EPHB2: variants seen among roughly 807,000 people sequenced by gnomAD.
The protein encoded by EPHB2 is EPH receptor B2, also known as ephrin type-B receptor 2.
EPHB2 carries 18 observed loss-of-function variants against 96.4 expected under a neutral mutation model. The observed-to-expected ratio is 0.19, with a 90% CI of 0.13 to 0.28. EPHB2 has a LOEUF of 0.28. Among genes scored for constraint, EPHB2 ranks in the 10% least tolerant of loss-of-function variants. The pLI is 1.00. For synonymous variants in EPHB2, 506 were observed against 534.1 expected (o/e 0.95, Z 0.72); for missense variants, 989 against 1,355.4 (o/e 0.73, Z 4.25).
rs776278539 is a variant in EPHB2 at position 22,906,044 on chromosome 1, C to T, written c.1823C>T (p.Ala608Val). Reference sequence around the variant, plus strand: ...TTCACCTACGAGGACCCCAACGAGGCAGTGCGGGAGTTTGCCAAGGAAATT... The same window carrying T: ...TTCACCTACGAGGACCCCAACGAGGTAGTGCGGGAGTTTGCCAAGGAAATT... ...DPFTYEDPNE[A>V]VREFAKEIDI... The change falls in exon 10 of 16, where the codon GCA becomes GTA. Residue 608 changes from alanine (A) to valine (V), a missense_variant. Physicochemically the swap from Ala to Val is moderately conservative, Grantham distance 64 (BLOSUM62 0). Coordinates refer to ENST00000374630, the MANE Select transcript of EPHB2 (RefSeq NM_017449.5). This position sits in a 1 kb window ranked among gnomAD's most constrained non-coding sequence, Gnocchi z 4.8. 1 of 1,614,238 alleles carries T rather than the reference C, an allele frequency of 6.2e-7. No homozygotes were observed. The highest frequency in any genetic ancestry group is 8.5e-7 in the Non-Finnish European group (1 of 1,180,046).
intron 1 of EPHB2, among the ~76,000 whole-genome samples, chr1:22,749,007 C>G (rs1467709198): frequency 2.0e-5 from 3 of 148,336 alleles, no homozygotes; most frequent in Admixed American, 1.4e-4. Context: ...CCATTCTTTC[C>G]TTTTTACTTT....
Position 22,754,628 on chromosome 1 carries a change from C to T in EPHB2, c.62-26793C>T, listed in dbSNP as rs1006898599. The stretch of plus-strand genomic sequence containing the variant: ...GGGGCTCGATCCCCCAGGCCTGGTA[C>T]GGGGCCATGGAGAGCACACCTCAGA... On this transcript the variant is annotated intron_variant, in intron 1 of 15. Coordinates refer to ENST00000374630, the MANE Select transcript of EPHB2 (RefSeq NM_017449.5). Among the ~76,000 whole-genome samples, 12 of 151,040 alleles carry T rather than the reference C, an allele frequency of 7.9e-5. No homozygotes were observed. The East Asian group carries it at 2.2e-3, about 28-fold the overall frequency.
intron 3 of EPHB2, among the ~76,000 whole-genome samples, chr1:22,839,200 G>T (rs996990485): frequency 6.6e-6 from 1 of 152,138 alleles, no homozygotes; most frequent in Admixed American, 6.5e-5. Context: ...GCTACTTCAG[G>T]ATCTTCTGAA....
At chr1:22,715,943 G>C (rs1226833749) in intron 1 of EPHB2, among the ~76,000 whole-genome samples, 1 of 152,198 alleles carries the variant, frequency 6.6e-6, no homozygotes, top group Admixed American at 6.5e-5. Context: ...TTAAATGCTG[G>C]TCTCAACCCC....
At chr1:22,836,974 T>C (rs999044019) in intron 3 of EPHB2, 4 of 152,158 alleles carry the variant, frequency 2.6e-5, no homozygotes, top group African/African-American at 7.2e-5. Context: ...TCCTGTGAGG[T>C]ACAGGAGGTG....
rs113300745 is a variant in EPHB2, at chr1:22,899,784, G to A, written c.1765+3306G>A. Among the ~76,000 whole-genome samples the A allele has an allele frequency of 2.6e-4, 40 of 152,270 alleles. 1 individual carries two copies. Among genetic ancestry groups the A allele is most frequent in the Middle Eastern group, 6.8e-3 (2 of 294 alleles). On this transcript the variant is annotated intron_variant, in intron 9 of 15. Coordinates refer to ENST00000374630, the MANE Select transcript of EPHB2 (RefSeq NM_017449.5). ...GAGGTGGGAGGATCACTTGAGTCCA[G>A]GAGTTCGAGACCAGCCTGGGCAACA...
intron 1 of EPHB2, among the ~76,000 whole-genome samples, chr1:22,761,277 C>G (rs750685264): frequency 6.6e-6 from 1 of 152,160 alleles, no homozygotes; most frequent in Non-Finnish European, 1.5e-5. Flanking sequence ...AGCAAAAAAA[C>G]AAAGAGTAGC....
rs188200274 is a variant in EPHB2, at chr1:22,905,592, T to C, written c.1766-395T>C. ...TTTTAGTTCCAATTCGCTCCCTTCC[T>C]TTTTGCCCCCTTCTTCGTTTACGTT... On this transcript the variant is annotated intron_variant, in intron 9 of 15. Transcript: ENST00000374630. Among the ~76,000 whole-genome samples the C allele has an allele frequency of 3.3e-5, 5 of 152,332 alleles. No homozygotes were observed. In the East Asian group the frequency reaches 9.6e-4, roughly 29 times the overall value.
chr1:22,714,717 C>A (rs1643246959), intron 1 of EPHB2, among the ~76,000 whole-genome samples: 1 of 152,192 alleles, frequency 6.6e-6, no homozygotes, highest in Non-Finnish European at 1.5e-5. Context: ...TTCAGATGAG[C>A]CAGATCTGGT....
intron 1 of EPHB2, chr1:22,719,740 C>T (rs1324621260): frequency 6.6e-6 from 1 of 152,108 alleles, no homozygotes; most frequent in Non-Finnish European, 1.5e-5. Context: ...TTTTGGAGGC[C>T]TCTTCCAGCT....
At chr1:22,712,107 A>T (rs1302685668) in intron 1 of EPHB2, among the ~76,000 whole-genome samples, 2 of 152,230 alleles carry the variant, frequency 1.3e-5, no homozygotes, top group Non-Finnish European at 2.9e-5. Context: ...CACAGTTGAC[A>T]AGGTACTTTA....
At chr1:22,888,493 T>C (rs1229064314) in intron 6 of EPHB2, among the ~76,000 whole-genome samples, 1 of 152,182 alleles carries the variant, frequency 6.6e-6, no homozygotes, top group Non-Finnish European at 1.5e-5. Flanking sequence ...TTAACCCACT[T>C]TAGAGATGAG....
chr1:22,860,223 G>A lies in EPHB2; in HGVS notation c.812-2814G>A, dbSNP rs909173894. Among the ~76,000 whole-genome samples, 5 of 152,152 alleles carry A rather than the reference G, an allele frequency of 3.3e-5. No homozygotes were observed. The highest frequency in any genetic ancestry group is 6.5e-5 in the Admixed American group (1 of 15,278). Reference sequence around the variant, plus strand: ...GGTGGGTGGGAGGAGGCCAGATGGCGTGAGAGGCTGAGGAGTGGGTGGAAA... The same window carrying A: ...GGTGGGTGGGAGGAGGCCAGATGGCATGAGAGGCTGAGGAGTGGGTGGAAA... On this transcript the variant is annotated intron_variant, in intron 3 of 15. Coordinates refer to ENST00000374630, the MANE Select transcript of EPHB2 (RefSeq NM_017449.5). This position sits in a 1 kb window ranked among gnomAD's most constrained non-coding sequence, Gnocchi z 4.6.
At chr1:22,851,608 T>A (rs4655132) in intron 3 of EPHB2, among the ~76,000 whole-genome samples, 151,108 of 152,334 alleles carry the variant, frequency 0.99, 74,961 homozygotes, top group East Asian at 1. Flanking sequence ...TGTCTGGGTC[T>A]TGTATTTTGT....
intron 1 of EPHB2, among the ~76,000 whole-genome samples, chr1:22,714,088 C>G (rs528320753): frequency 6.6e-6 from 1 of 152,126 alleles, no homozygotes; most frequent in African/African-American, 2.4e-5. Context: ...CTCCAAATAT[C>G]GATAGAGTTT....
At chr1:22,801,507 T>C (rs989228175) in intron 3 of EPHB2, among the ~76,000 whole-genome samples, 2 of 149,432 alleles carry the variant, frequency 1.3e-5, no homozygotes, top group Admixed American at 6.7e-5. Flanking sequence ...CAAGCCAGGA[T>C]TGGGACCCAG....
rs1177130392 is a variant in EPHB2 at position 22,906,524 on chromosome 1, C to G, written c.1889-186C>G. Reference sequence around the variant, plus strand: ...ACCATGAGGAATTTACTGTCCTCTCCCAGAGGTGACTGGAACTTTTCTGGA... The same window carrying G: ...ACCATGAGGAATTTACTGTCCTCTCGCAGAGGTGACTGGAACTTTTCTGGA... On this transcript the variant is annotated intron_variant, in intron 10 of 15. Transcript: ENST00000374630. The surrounding 1 kb of genome is among the most constrained non-coding windows in gnomAD (Gnocchi z 4.8). 6.6e-6 allele frequency among the ~76,000 whole-genome samples: 1 copy of G among 152,150 alleles called. No individual in the cohort carries two copies. Among genetic ancestry groups the G allele is most frequent in the Non-Finnish European group, 1.5e-5 (1 of 68,022 alleles).
intron 3 of EPHB2, among the ~76,000 whole-genome samples, chr1:22,857,105 G>A (rs1185549267): frequency 6.6e-6 from 1 of 152,210 alleles, no homozygotes; most frequent in Non-Finnish European, 1.5e-5. Context: ...CACGTGCCAT[G>A]TAAGTCCAGT....
intron 1 of EPHB2, among the ~76,000 whole-genome samples, chr1:22,759,746 C>G (rs535417492): frequency 6.6e-6 from 1 of 152,174 alleles, no homozygotes; most frequent in Non-Finnish European, 1.5e-5. Flanking sequence ...CCCTTGAGTT[C>G]GGTGACACAC....
Sources: allele counts gnomAD v4.1 joint callset (sites outside exome capture counted in the v4.1 genomes callset), GRCh38; gene constraint gnomAD v4.1.1; non-coding constraint Gnocchi (gnomAD v3.1); transcripts MANE v1.5; gene names NCBI Gene and HGNC (gene_info 2026-07-23, HGNC 2026-07-21).